Variants in MSH3 observed in about 807,000 individuals in gnomAD.
The protein encoded by MSH3 is mutS homolog 3, also known as DNA mismatch repair protein Msh3.
A neutral mutation model predicts 123.3 loss-of-function variants in MSH3; 106 were observed. The ratio of observed to expected loss-of-function variants is 0.86; its 90% CI spans 0.73 to 1.01. MSH3 has a LOEUF of 1.01. MSH3 is among the 50% of genes least tolerant of loss of function. The pLI, the probability that MSH3 is intolerant of heterozygous loss-of-function variation, is 0.00. For synonymous variants in MSH3, 515 were observed against 481.4 expected (o/e 1.07, Z -0.91); for missense variants, 1,459 against 1,347.6 (o/e 1.08, Z -1.29).
At chr5:80,739,098 G>A (rs1000463142) in intron 10 of MSH3, among the ~76,000 whole-genome samples, 1 of 152,202 alleles carries the variant, frequency 6.6e-6, no homozygotes, top group African/African-American at 2.4e-5. Flanking sequence ...AAAGATGCCA[G>A]CTAAGCACCG....
chr5:80,730,902 T>C (rs1344149453), intron 10 of MSH3, among the ~76,000 whole-genome samples: 1 of 147,642 alleles, frequency 6.8e-6, no homozygotes, highest in South Asian at 2.1e-4. Flanking sequence ...ATATTTTTTT[T>C]TTTTTCTTTT....
chr5:80,738,970 T>G (rs1418885821), intron 10 of MSH3, among the ~76,000 whole-genome samples: 1 of 152,210 alleles, frequency 6.6e-6, no homozygotes, highest in African/African-American at 2.4e-5. Flanking sequence ...GAGCCCTCAC[T>G]AGACACCAAA....
intron 3 of MSH3, among the ~76,000 whole-genome samples, chr5:80,668,775 T>C (rs1677646): frequency 0.74 from 113,159 of 152,028 alleles, 42,568 homozygotes; most frequent in African/African-American, 0.87. Flanking sequence ...CCCAGGAGGG[T>C]GGGGCTCCTG....
intron 8 of MSH3, among the ~76,000 whole-genome samples, chr5:80,691,770 TAC>T (rs1425602898): frequency 3.0e-5 from 3 of 98,462 alleles, no homozygotes. Flanking sequence ...TTTATATATG[TAC>T]ATATATATGT....
chr5:80,855,804 A>G (rs1161633310), intron 21 of MSH3: 2 of 149,376 alleles, frequency 1.3e-5, no homozygotes, highest in Non-Finnish European at 3.0e-5. Context: ...GTACCTAGCT[A>G]TGGCCCTTTT....
In MSH3 at chr5:80,654,871, C is replaced by A. The variant is rs747024539; in HGVS notation, c.144C>A (p.Asp48Glu). Reference sequence around the variant, plus strand: ...CCACAGGTGCAGCCGACCAGGTGGACCCTGGCGCTGCAGCGGCTGCAGCGG... The same window carrying A: ...CCACAGGTGCAGCCGACCAGGTGGAACCTGGCGCTGCAGCGGCTGCAGCGG... Reference protein sequence around the residue: ...SSSTGAADQVDPGAAAAAAAA... With the variant: ...SSSTGAADQVEPGAAAAAAAA... Residue 48 changes from aspartate (D) to glutamate (E), a missense_variant, in exon 1 of 24, where the codon GAC becomes GAA. Transcript: ENST00000265081. 1 of 1,577,356 alleles carries A rather than the reference C, an allele frequency of 6.3e-7. No individual in the cohort carries two copies. The highest frequency in any genetic ancestry group is 8.7e-7 in the Non-Finnish European group (1 of 1,154,980).
chr5:80,800,820 T>C (rs1013021879), intron 19 of MSH3, among the ~76,000 whole-genome samples: 1 of 152,318 alleles, frequency 6.6e-6, no homozygotes, highest in African/African-American at 2.4e-5. Flanking sequence ...GAACTTACTT[T>C]CTAGAAGTGA....
chr5:80,792,896 C>A (rs2112027003), intron 19 of MSH3, 52 bp downstream of exon 19: 2 of 1,153,824 alleles, frequency 1.7e-6, no homozygotes, highest in Non-Finnish European at 2.6e-6. Context: ...CAAACTTTTA[C>A]ATACCAAAGA....
At chr5:80,764,207 T>C (rs1459234983) in intron 13 of MSH3, among the ~76,000 whole-genome samples, 1 of 152,214 alleles carries the variant, frequency 6.6e-6, no homozygotes, top group African/African-American at 2.4e-5. Context: ...GTGCCAATTA[T>C]GTGAAATTCA....
At chr5:80,779,921 C>A (rs1010939479) in intron 17 of MSH3, among the ~76,000 whole-genome samples, 2 of 152,122 alleles carry the variant, frequency 1.3e-5, no homozygotes, top group African/African-American at 4.8e-5. Context: ...CCAATGTCCC[C>A]CCGCCACCGG....
intron 23 of MSH3, among the ~76,000 whole-genome samples, chr5:80,874,808 T>C (rs1746278183): frequency 6.6e-6 from 1 of 152,238 alleles, no homozygotes; most frequent in Non-Finnish European, 1.5e-5. Context: ...TCATAAATAT[T>C]TTAACTCTTC....
At chr5:80,802,810 T>C (rs939061144) in intron 19 of MSH3, among the ~76,000 whole-genome samples, 1 of 152,214 alleles carries the variant, frequency 6.6e-6, no homozygotes, top group African/African-American at 2.4e-5. Context: ...CACAAAGAAG[T>C]GAGAACATGC....
chr5:80,785,330 C>G (rs1022068294), intron 17 of MSH3, among the ~76,000 whole-genome samples: 2 of 152,178 alleles, frequency 1.3e-5, no homozygotes, highest in Non-Finnish European at 2.9e-5. Flanking sequence ...ACGCGTTACC[C>G]ATTGCGCTAC....
chr5:80,744,388 C>A (rs1021300447), intron 11 of MSH3, 118 bp from the exon 12 acceptor site: 3 of 709,916 alleles, frequency 4.2e-6, no homozygotes, highest in Non-Finnish European at 7.6e-6. Context: ...TAAATGAACA[C>A]CTGTTATGAG....
At chr5:80,672,696 T>C in intron 5 of MSH3, 45 bp from the exon 6 acceptor site, 1 of 1,465,016 alleles carries the variant, frequency 6.8e-7, no homozygotes, top group African/African-American at 1.4e-5. Flanking sequence ...TTTTTACAAG[T>C]CATTTTTTAT....
intron 20 of MSH3, among the ~76,000 whole-genome samples, chr5:80,819,446 ATGTG>A (rs35865568): frequency 0.017 from 2,310 of 136,780 alleles, 61 homozygotes; most frequent in African/African-American, 0.06. Flanking sequence ...ATATATGTAT[ATGTG>A]TGTGTGTGTG....
chr5:80,685,247 G>C lies in MSH3; in HGVS notation c.1340+6154G>C, dbSNP rs192951316. Among the ~76,000 whole-genome samples, 396 of 146,248 alleles carry C rather than the reference G, an allele frequency of 2.7e-3. 1 individual carries two copies. The highest frequency in any genetic ancestry group is 4.8e-3 in the Non-Finnish European group (320 of 66,808). On this transcript the variant is annotated intron_variant, in intron 8 of 23. Coordinates refer to ENST00000265081, the MANE Select transcript of MSH3 (RefSeq NM_002439.5). ...TTCCCAGAATAGTTTGAGGAAAATG[G>C]GTCTAGTTCTTTAAATGTTTGGTAG...
chr5:80,672,445 G>C, intron 5 of MSH3, 85 bp downstream of exon 5: 3 of 968,940 alleles, frequency 3.1e-6, no homozygotes, highest in Non-Finnish European at 5.0e-6. Flanking sequence ...GTGGTAGGTA[G>C]GCTTCAATTG....
chr5:80,837,672 A>G (rs1018780301), intron 20 of MSH3, among the ~76,000 whole-genome samples: 4 of 152,236 alleles, frequency 2.6e-5, no homozygotes, highest in African/African-American at 9.6e-5. Flanking sequence ...TCATATTTAT[A>G]GAACAAAGAT....
Sources: gnomAD v4.1 joint callset for allele counts (sites outside exome capture counted in the v4.1 genomes callset) on GRCh38, gnomAD v4.1.1 for gene constraint, MANE v1.5 for transcripts, NCBI Gene and HGNC (gene_info 2026-07-23, HGNC 2026-07-21) for gene names.